The following KCNH1 variants were observed in gnomAD, a reference collection of about 807,000 sequenced individuals.
KCNH1 encodes the protein voltage-gated delayed rectifier potassium channel KCNH1.
A neutral mutation model predicts 69.2 loss-of-function variants in KCNH1; 27 were observed. The observed-to-expected ratio is 0.39, with a 90% CI of 0.29 to 0.54. The LOEUF (loss-of-function observed/expected upper bound fraction) is 0.54, where lower values mean the gene tolerates loss of function less well. Among genes scored for constraint, KCNH1 ranks in the 20% least tolerant of loss-of-function variants. The pLI is 0.68. For synonymous variants in KCNH1, 456 were observed against 487.7 expected, an observed-to-expected ratio of 0.93 and a Z score of 0.86; for missense variants, 798 against 1,261.6, an observed-to-expected ratio of 0.63 and a Z score of 5.57.
intron 6 of KCNH1, among the ~76,000 whole-genome samples, chr1:210,986,185 G>A (rs1272246425): frequency 3.3e-5 from 5 of 152,132 alleles, no homozygotes; most frequent in South Asian, 4.1e-4. Context: ...GTCTCTGCAC[G>A]TGAGATGGGT....
intron 7 of KCNH1, among the ~76,000 whole-genome samples, chr1:210,883,473 A>G (rs1305506604): frequency 1.3e-5 from 2 of 152,196 alleles, no homozygotes; most frequent in Non-Finnish European, 2.9e-5. Flanking sequence ...TTCTTCATAG[A>G]CAAGGCACAA....
At chr1:211,012,894 A>T (rs967188059) in intron 6 of KCNH1, among the ~76,000 whole-genome samples, 2 of 152,176 alleles carry the variant, frequency 1.3e-5, no homozygotes, top group Admixed American at 6.5e-5. Context: ...AGGGGAGGGG[A>T]GGGTGGTCTC....
chr1:210,727,028 T>G (rs940760525), intron 10 of KCNH1, among the ~76,000 whole-genome samples: 1 of 152,140 alleles, frequency 6.6e-6, no homozygotes, highest in Admixed American at 6.6e-5. Context: ...GGGCATGGGT[T>G]AAAAAGTCAA....
chr1:211,029,334 T>TAAA (rs58241322), intron 5 of KCNH1, among the ~76,000 whole-genome samples: 4,789 of 23,074 alleles, frequency 0.21, 940 homozygotes, highest in Non-Finnish European at 0.24. Flanking sequence ...TCCTGTCACT[T>TAAA]AAAAAAAAAA....
chr1:210,919,694 C>T lies in KCNH1; in HGVS notation c.1408G>A (p.Ala470Thr), dbSNP rs1687420053. The change falls in exon 7 of 11, where the codon GCC becomes ACC. Residue 470 changes from alanine (A) to threonine (T), a missense_variant. Transcript: ENST00000271751. The surrounding 1 kb of genome is among the most constrained non-coding windows in gnomAD (Gnocchi z 4.2). Reference protein sequence around the residue: ...SLTSVGFGNIAPSTDIEKIFA... With the variant: ...SLTSVGFGNITPSTDIEKIFA... ...ATCTTCTCAATGTCTGTGGATGGGG[C>T]GATGTTCCCAAAGCCCACACTGGTG... 2 of 1,614,072 alleles carry T rather than the reference C, an allele frequency of 1.2e-6. No homozygotes were observed. The highest frequency in any genetic ancestry group is 8.5e-7 in the Non-Finnish European group (1 of 1,179,994).
intron 6 of KCNH1, among the ~76,000 whole-genome samples, chr1:210,981,437 A>C (rs1012203990): frequency 2.6e-5 from 4 of 151,978 alleles, no homozygotes; most frequent in African/African-American, 9.7e-5. Context: ...AAAATTACCA[A>C]CATGAAAAAA....
At chr1:210,740,570 C>T (rs10863854) in intron 10 of KCNH1, among the ~76,000 whole-genome samples, 70,673 of 151,732 alleles carry the variant, frequency 0.47, 16,902 homozygotes, top group East Asian at 0.7. Context: ...ATTTTACTTA[C>T]AGGCTGCCAT....
chr1:210,780,452 T>A (rs2102378197), intron 9 of KCNH1, among the ~76,000 whole-genome samples: 1 of 152,320 alleles, frequency 6.6e-6, no homozygotes, highest in South Asian at 2.1e-4. Context: ...CAGTCATTCA[T>A]GCAACTTTTG....
intron 5 of KCNH1, among the ~76,000 whole-genome samples, chr1:211,024,934 C>A (rs1262823474): frequency 6.6e-6 from 1 of 152,148 alleles, no homozygotes; most frequent in Non-Finnish European, 1.5e-5. Context: ...TCCTACCTAG[C>A]AAGAGATGGT....
At chr1:210,850,403 C>T (rs953372885) in intron 7 of KCNH1, among the ~76,000 whole-genome samples, 4 of 152,020 alleles carry the variant, frequency 2.6e-5, no homozygotes, top group Non-Finnish European at 4.4e-5. Flanking sequence ...TCCAGCTACT[C>T]GGGAGGCTGA....
At chr1:210,930,438 G>T (rs1190905843) in intron 6 of KCNH1, among the ~76,000 whole-genome samples, 1 of 152,108 alleles carries the variant, frequency 6.6e-6, no homozygotes. Flanking sequence ...GTGGGGAAAA[G>T]ACACTGATTC....
At chr1:210,917,325 GAGAC>G (rs1687368100) in intron 7 of KCNH1, among the ~76,000 whole-genome samples, 1 of 150,832 alleles carries the variant, frequency 6.6e-6, no homozygotes, top group Non-Finnish European at 1.5e-5. Flanking sequence ...GAAAGAAAGG[GAGAC>G]AGAGACACAG....
At chr1:211,011,551 A>C (rs947562184) in intron 6 of KCNH1, among the ~76,000 whole-genome samples, 10 of 152,330 alleles carry the variant, frequency 6.6e-5, no homozygotes, top group African/African-American at 2.4e-4. Context: ...AGGAATTGCC[A>C]TGAGGAATCT....
chr1:211,034,280 G>A (rs12139930), intron 5 of KCNH1, among the ~76,000 whole-genome samples: 6,635 of 152,050 alleles, frequency 0.044, 244 homozygotes, highest in East Asian at 0.18. Flanking sequence ...ATTGATACAT[G>A]CAGCAATCTG....
chr1:210,954,240 AT>A (rs1170627240), intron 6 of KCNH1, among the ~76,000 whole-genome samples: 1 of 151,978 alleles, frequency 6.6e-6, no homozygotes, highest in Non-Finnish European at 1.5e-5. Context: ...TGAACTCATC[AT>A]TTTTATGGCT....
chr1:211,056,444 C>T (rs895354556), intron 5 of KCNH1, among the ~76,000 whole-genome samples: 2 of 152,102 alleles, frequency 1.3e-5, no homozygotes, highest in African/African-American at 4.8e-5. Context: ...TCTCTGGACC[C>T]ATCCAAGGAT....
chr1:210,752,047 G>A (rs1325936812), intron 10 of KCNH1, among the ~76,000 whole-genome samples: 3 of 152,102 alleles, frequency 2.0e-5, no homozygotes, highest in Non-Finnish European at 2.9e-5. Context: ...AGGACATGCC[G>A]AAGTGAGTAC....
intron 7 of KCNH1, among the ~76,000 whole-genome samples, chr1:210,914,818 A>T (rs994396343): frequency 5.3e-5 from 8 of 152,232 alleles, no homozygotes; most frequent in African/African-American, 1.9e-4. Flanking sequence ...GAAAGAAATG[A>T]ATTCAAAGAG....
chr1:210,901,703 A>G (rs1686999079), intron 7 of KCNH1, among the ~76,000 whole-genome samples: 1 of 152,244 alleles, frequency 6.6e-6, no homozygotes, highest in African/African-American at 2.4e-5. Context: ...AGTCAGTGCC[A>G]CTACTAAGAA....
Sources: gnomAD v4.1 joint callset for allele counts (sites outside exome capture counted in the v4.1 genomes callset) on GRCh38, gnomAD v4.1.1 for gene constraint, Gnocchi (gnomAD v3.1) non-coding constraint, MANE v1.5 for transcripts, NCBI Gene and HGNC (gene_info 2026-07-23, HGNC 2026-07-21) for gene names.